GRIK2: variants seen among roughly 807,000 people sequenced by gnomAD.
GRIK2 encodes glutamate ionotropic receptor kainate type subunit 2, also known as glutamate receptor ionotropic, kainate 2.
In GRIK2, 32 loss-of-function variants were observed where a neutral mutation model predicts 100.3. The ratio of observed to expected loss-of-function variants is 0.32; its 90% confidence interval spans 0.24 to 0.43. GRIK2 has a LOEUF of 0.43. Ranked by LOEUF, GRIK2 falls within the 20% of genes least tolerant of loss-of-function variation. GRIK2 has a pLI of 1.00. For missense variants in GRIK2, 843 were observed against 1,114.9 expected, an observed-to-expected ratio of 0.76 and a Z score of 3.47; for synonymous variants, 417 against 389.4, an observed-to-expected ratio of 1.07 and a Z score of -0.83.
intron 14 of GRIK2, among the ~76,000 whole-genome samples, chr6:101,934,577 T>C (rs1790501178): frequency 1.3e-5 from 2 of 151,892 alleles, no homozygotes; most frequent in Admixed American, 6.6e-5. Flanking sequence ...TGTAAGTAAC[T>C]TTTCCATTGA....
chr6:101,851,108 A>C (rs1784104377), intron 10 of GRIK2, among the ~76,000 whole-genome samples: 1 of 152,060 alleles, frequency 6.6e-6, no homozygotes, highest in Non-Finnish European at 1.5e-5. Flanking sequence ...TAAATACTAA[A>C]AAGATGCACT....
intron 7 of GRIK2, among the ~76,000 whole-genome samples, chr6:101,718,811 CAT>C (rs764514340): frequency 3.9e-5 from 6 of 151,918 alleles, no homozygotes; most frequent in Admixed American, 6.6e-5. Flanking sequence ...CCAAATCTGA[CAT>C]GTGATCCTCA....
intron 7 of GRIK2, among the ~76,000 whole-genome samples, chr6:101,732,772 A>G (rs889739456): frequency 5.9e-5 from 9 of 151,960 alleles, no homozygotes; most frequent in Non-Finnish European, 8.8e-5. Context: ...CATCTCCTTT[A>G]CTGAAGTCCA....
intron 2 of GRIK2, among the ~76,000 whole-genome samples, chr6:101,472,873 A>T (rs1772022266): frequency 6.6e-6 from 1 of 151,670 alleles, no homozygotes; most frequent in Admixed American, 6.6e-5. Context: ...TTTATTTTCA[A>T]TTTTTTTGAT....
At chr6:101,694,793 T>C (rs1007144935) in intron 7 of GRIK2, among the ~76,000 whole-genome samples, 2 of 151,996 alleles carry the variant, frequency 1.3e-5, no homozygotes, top group South Asian at 2.1e-4. Context: ...GTGGTAATTA[T>C]CAAAGCTATA....
intron 14 of GRIK2, among the ~76,000 whole-genome samples, chr6:101,967,161 T>A (rs1387657348): frequency 6.6e-6 from 1 of 151,882 alleles, no homozygotes; most frequent in African/African-American, 2.4e-5. Context: ...AGTAACCTAG[T>A]ATACAAACTT....
intron 2 of GRIK2, among the ~76,000 whole-genome samples, chr6:101,473,706 C>T (rs759442629): frequency 1.3e-5 from 2 of 151,726 alleles, no homozygotes; most frequent in African/African-American, 4.8e-5. Flanking sequence ...ACTGTTTTTG[C>T]CCATATTTTC....
At chr6:101,741,733 A>C (rs1006035429) in intron 7 of GRIK2, among the ~76,000 whole-genome samples, 2 of 152,154 alleles carry the variant, frequency 1.3e-5, no homozygotes, top group Non-Finnish European at 2.9e-5. Context: ...ATGTTCAGAT[A>C]AGATTTCTTT....
At chr6:101,937,814 AAG>A (rs1184212152) in intron 14 of GRIK2, among the ~76,000 whole-genome samples, 1 of 152,104 alleles carries the variant, frequency 6.6e-6, no homozygotes, top group Non-Finnish European at 1.5e-5. Flanking sequence ...AGTATCAGCA[AAG>A]ACATATTGTT....
chr6:101,607,333 A>C (rs1020281476), intron 2 of GRIK2, among the ~76,000 whole-genome samples: 1 of 152,018 alleles, frequency 6.6e-6, no homozygotes, highest in Non-Finnish European at 1.5e-5. Context: ...ATAAACATGT[A>C]CACTGTACAC....
chr6:101,744,553 T>TACACACAC (rs1776294379), intron 7 of GRIK2: 1 of 129,886 alleles, frequency 7.7e-6, no homozygotes, highest in African/African-American at 3.2e-5. Flanking sequence ...TATATATATA[T>TACACACAC]ATATATCACA....
intron 9 of GRIK2, among the ~76,000 whole-genome samples, chr6:101,805,384 TA>T (rs937174502): frequency 5.3e-4 from 80 of 152,008 alleles, no homozygotes; most frequent in African/African-American, 1.9e-3. Context: ...CTATGGCCTC[TA>T]AAAGAACCCG....
At chr6:101,878,141 A>T (rs1785995049) in intron 11 of GRIK2, among the ~76,000 whole-genome samples, 1 of 147,630 alleles carries the variant, frequency 6.8e-6, no homozygotes, top group Non-Finnish European at 1.5e-5. Flanking sequence ...TAATGTACTG[A>T]ATAAATGTTA....
chr6:101,998,304 A>G (rs927919208), intron 14 of GRIK2, among the ~76,000 whole-genome samples: 1 of 152,168 alleles, frequency 6.6e-6, no homozygotes, highest in Non-Finnish European at 1.5e-5. Flanking sequence ...ATGTAACAGC[A>G]GATAAAGGAA....
intron 2 of GRIK2, among the ~76,000 whole-genome samples, chr6:101,605,731 A>C (rs1779411875): frequency 1.3e-5 from 2 of 152,012 alleles, no homozygotes; most frequent in Admixed American, 1.3e-4. Context: ...TTTTATGTAG[A>C]TATTTAGAAG....
chr6:101,942,195 A>C (rs1265773795), intron 14 of GRIK2, among the ~76,000 whole-genome samples: 1 of 152,138 alleles, frequency 6.6e-6, no homozygotes, highest in South Asian at 2.1e-4. Flanking sequence ...TCTCATGTCA[A>C]ATTGTAATCC....
intron 2 of GRIK2, among the ~76,000 whole-genome samples, chr6:101,442,595 A>C (rs185809277): frequency 1.3e-5 from 2 of 152,304 alleles, no homozygotes; most frequent in African/African-American, 4.8e-5. Context: ...TATAAAACAC[A>C]AAGAGTGATG....
intron 2 of GRIK2, among the ~76,000 whole-genome samples, chr6:101,546,061 A>C (rs2518311): frequency 6.6e-6 from 1 of 151,758 alleles, no homozygotes; most frequent in Non-Finnish European, 1.5e-5. Flanking sequence ...ACTTACTTAA[A>C]TGTATTGCAT....
At chr6:101,629,148 A>C (rs1009911745) in intron 4 of GRIK2, among the ~76,000 whole-genome samples, 32 of 152,274 alleles carry the variant, frequency 2.1e-4, no homozygotes, top group African/African-American at 7.0e-4. Flanking sequence ...TCCTGACCTC[A>C]AATTTATTAA....
Sources: allele counts gnomAD v4.1 joint callset (sites outside exome capture counted in the v4.1 genomes callset), GRCh38; gene constraint gnomAD v4.1.1; transcripts MANE v1.5; gene names NCBI Gene and HGNC (gene_info 2026-07-23, HGNC 2026-07-21).